The following RSPH14 variants were observed in gnomAD, a reference collection of about 807,000 sequenced individuals.
The protein encoded by RSPH14 is rhabdoid tumor deletion region gene 1.
A neutral mutation model predicts 26.7 loss-of-function variants in RSPH14; 20 were observed. The observed-to-expected ratio is 0.75, with a 90% CI of 0.53 to 1.09. The LOEUF (loss-of-function observed/expected upper bound fraction) is 1.09. Among genes scored for constraint, RSPH14 ranks in the 50% least tolerant of loss-of-function variants. RSPH14 has a pLI of 0.00. For missense variants in RSPH14, 449 were observed against 457.2 expected (o/e 0.98, Z 0.16); for synonymous variants, 177 against 189.3 (o/e 0.93, Z 0.53).
upstream of RSPH14, chr22:23,145,450 G>A (rs550643080): frequency 5.0e-6 from 8 of 1,610,598 alleles, no homozygotes; most frequent in Admixed American, 3.3e-5. Context: ...GACGATTCGT[G>A]TAGCCCGCAG....
At position 23,061,798 on chromosome 22, in the gene RSPH14, C is replaced by T. The variant is rs186403758; in HGVS notation, c.790+11G>A. The stretch of plus-strand genomic sequence containing the variant: ...GGGTCTCCCTCCCTGCGGCACCCCC[C>T]ACCGCCTCACCTTCAGTGATCACTG... On this transcript the variant is annotated intron_variant, in intron 6 of 6. Coordinates refer to ENST00000216036, the MANE Select transcript of RSPH14 (RefSeq NM_014433.3). 9,780 of 1,613,874 alleles carry T rather than the reference C, an allele frequency of 6.1e-3. 123 individuals are homozygous for T. Among genetic ancestry groups the T allele is most frequent in the South Asian group, 0.042 (3,791 of 91,078 alleles).
the RSPH14 span, among the ~76,000 whole-genome samples, chr22:23,176,582 G>A: frequency 4.6e-5 from 7 of 152,084 alleles, no homozygotes; most frequent in Admixed American, 1.3e-4. Flanking sequence ...TCGCCCCCAC[G>A]GCCTGGTGTT....
intron 4 of RSPH14, among the ~76,000 whole-genome samples, chr22:23,076,210 T>A (rs949809645): frequency 6.6e-6 from 1 of 152,182 alleles, no homozygotes; most frequent in Non-Finnish European, 1.5e-5. Flanking sequence ...CTGCTGCTAT[T>A]TTTTTCCCCT....
At chr22:23,174,178 G>A in the RSPH14 span, among the ~76,000 whole-genome samples, 2 of 152,102 alleles carry the variant, frequency 1.3e-5, no homozygotes, top group African/African-American at 4.8e-5. Flanking sequence ...ACTTTTGCTT[G>A]GGGCCTAGGA....
chr22:23,133,775 A>G (rs1023698637), intron 4 of RSPH14: 3 of 368,308 alleles, frequency 8.1e-6, no homozygotes, highest in Non-Finnish European at 1.6e-5. Flanking sequence ...TTTTTAGTAG[A>G]GACAGGGTTT....
At chr22:23,122,738 G>A (rs2070066528) in intron 4 of RSPH14, 3 of 299,368 alleles carry the variant, frequency 1.0e-5, no homozygotes, top group Admixed American at 4.5e-5. Context: ...GTGGGAAGAT[G>A]GGGGGTCCTC....
At chr22:23,064,885 A>G (rs13054331) in intron 4 of RSPH14, among the ~76,000 whole-genome samples, 121,040 of 152,086 alleles carry the variant, frequency 0.8, 48,615 homozygotes, top group East Asian at 0.96. Flanking sequence ...TCAGCATGTG[A>G]TTGCCTAGAG....
chr22:23,157,049 G>C, the RSPH14 span, among the ~76,000 whole-genome samples: 16 of 152,174 alleles, frequency 1.1e-4, no homozygotes, highest in African/African-American at 3.6e-4. Context: ...CATTTGCCTG[G>C]AATGTTCTCC....
rs1015113335 is a variant in RSPH14, at chr22:23,071,346, A to G, written c.422-7213T>C. 3.3e-5 allele frequency among the ~76,000 whole-genome samples: 5 copies of G among 152,170 alleles called. No individual in the cohort carries two copies. Among genetic ancestry groups the G allele is most frequent in the African/African-American group, 9.6e-5 (4 of 41,532 alleles). On this transcript the variant is annotated intron_variant, in intron 4 of 6. Coordinates refer to ENST00000216036, the MANE Select transcript of RSPH14 (RefSeq NM_014433.3). The surrounding 1 kb of genome is among the most constrained non-coding windows in gnomAD (Gnocchi z 4.1). Reference sequence around the variant, plus strand: ...TGGCAGGATTCGGCCTAGGCCGAGAATGGGGGCTCCTGTTAACTGAGACAA... The same window carrying G: ...TGGCAGGATTCGGCCTAGGCCGAGAGTGGGGGCTCCTGTTAACTGAGACAA...
chr22:23,169,563 G>A, the RSPH14 span, among the ~76,000 whole-genome samples: 79 of 152,338 alleles, frequency 5.2e-4, no homozygotes, highest in African/African-American at 1.9e-3. Context: ...TTGTGACTCA[G>A]GAGGTTGGGC....
At chr22:23,154,190 C>A in the RSPH14 span, among the ~76,000 whole-genome samples, 2 of 152,110 alleles carry the variant, frequency 1.3e-5, no homozygotes, top group African/African-American at 4.8e-5. Flanking sequence ...CGGGCCCTCA[C>A]CTCTACTCTC....
At chr22:23,130,496 A>AAGAAAGAAAAAGAAAG (rs67156030) in intron 4 of RSPH14, among the ~76,000 whole-genome samples, 2 of 110,692 alleles carry the variant, frequency 1.8e-5, no homozygotes, top group African/African-American at 7.2e-5. Flanking sequence ...GAAGGAAAGA[A>AAGAAAGAAAAAGAAAG]AAAGAAAGAA....
chr22:23,108,266 A>G (rs566001512), intron 4 of RSPH14, among the ~76,000 whole-genome samples: 5 of 152,250 alleles, frequency 3.3e-5, no homozygotes, highest in Non-Finnish European at 7.3e-5. Flanking sequence ...GCGGTCCCCA[A>G]GCAGACAGCA....
At chr22:23,065,534 CAAAAAAAA>C (rs10562943) in intron 4 of RSPH14, among the ~76,000 whole-genome samples, 91 of 45,166 alleles carry the variant, frequency 2.0e-3, no homozygotes, top group East Asian at 4.3e-3. Flanking sequence ...GCACAGATTG[CAAAAAAAA>C]AAAAAAAAAA....
intron 4 of RSPH14, among the ~76,000 whole-genome samples, chr22:23,114,762 G>A (rs574478298): frequency 1.3e-5 from 2 of 152,186 alleles, no homozygotes; most frequent in Non-Finnish European, 2.9e-5. Flanking sequence ...AGGAGGTTGG[G>A]CCTGCATTGG....
chr22:23,115,044 G>T (rs1364542010), intron 4 of RSPH14, among the ~76,000 whole-genome samples: 1 of 152,224 alleles, frequency 6.6e-6, no homozygotes, highest in Non-Finnish European at 1.5e-5. Flanking sequence ...TGCATTTTAT[G>T]TGAGGTTTGA....
intron 2 of RSPH14, among the ~76,000 whole-genome samples, chr22:23,139,592 G>C (rs1239038254): frequency 1.3e-5 from 2 of 152,210 alleles, no homozygotes; most frequent in African/African-American, 2.4e-5. Flanking sequence ...TTGCACTTCA[G>C]CCTGGGCAAG....
In RSPH14 at chr22:23,102,501, G is replaced by A. The variant is rs569782457; in HGVS notation, c.421+31525C>T. 9.8e-5 allele frequency among the ~76,000 whole-genome samples: 15 copies of A among 152,338 alleles called. No homozygotes were observed. In the South Asian group the frequency reaches 1.0e-3, roughly 11 times the overall value. On this transcript the variant is annotated intron_variant, in intron 4 of 6. Transcript: ENST00000216036. ...CAAGGGTGGGGCCATTTCTTAGCCC[G>A]CCTTGTGCAGTGGCTCCTTGCCCTG...
intron 4 of RSPH14, among the ~76,000 whole-genome samples, chr22:23,130,534 G>GAAAGAA (rs2070340495): frequency 7.2e-6 from 1 of 139,266 alleles, no homozygotes; most frequent in Admixed American, 7.2e-5. Flanking sequence ...GAAAGAAAGA[G>GAAAGAA]AAAGAAGGAA....
Sources: gnomAD v4.1 joint callset for allele counts (sites outside exome capture counted in the v4.1 genomes callset) on GRCh38, gnomAD v4.1.1 for gene constraint, Gnocchi (gnomAD v3.1) non-coding constraint, MANE v1.5 for transcripts, NCBI Gene and HGNC (gene_info 2026-07-23, HGNC 2026-07-21) for gene names.